Variants in TRAPPC9 observed in about 807,000 individuals in gnomAD.
The protein encoded by TRAPPC9 is trafficking protein particle complex subunit 9, also known as IKK2 binding protein.
TRAPPC9 carries 83 observed loss-of-function variants against 124.0 expected under a neutral mutation model. The ratio of observed to expected loss-of-function variants is 0.67; its 90% CI spans 0.56 to 0.80. The LOEUF (loss-of-function observed/expected upper bound fraction) is 0.80. Among genes scored for constraint, TRAPPC9 ranks in the 30% least tolerant of loss-of-function variants. The pLI is 0.00. For synonymous variants in TRAPPC9, 638 were observed against 617.5 expected, an observed-to-expected ratio of 1.03 and a Z score of -0.49; for missense variants, 1,302 against 1,508.3, an observed-to-expected ratio of 0.86 and a Z score of 2.27.
At chr8:139,731,319 G>C (rs1817807516) in intron 22 of TRAPPC9, 91 bp from the exon 23 acceptor site, 5 of 1,503,162 alleles carry the variant, frequency 3.3e-6, no homozygotes, top group Non-Finnish European at 3.6e-6. Context: ...CTGGACATAG[G>C]TGTTATGGGG....
At chr8:139,841,245 T>A (rs997746066) in intron 21 of TRAPPC9, among the ~76,000 whole-genome samples, 7 of 152,220 alleles carry the variant, frequency 4.6e-5, no homozygotes, top group African/African-American at 1.7e-4. Context: ...AGGACCTTCG[T>A]GATTACCCTG....
intron 15 of TRAPPC9, among the ~76,000 whole-genome samples, chr8:140,260,281 GC>G (rs2064372547): frequency 6.6e-6 from 1 of 152,106 alleles, no homozygotes; most frequent in Non-Finnish European, 1.5e-5. Flanking sequence ...TCTTGCTAAG[GC>G]CCGTGGCTCG....
chr8:140,103,779 G>A (rs946449874), intron 17 of TRAPPC9, among the ~76,000 whole-genome samples: 4 of 152,150 alleles, frequency 2.6e-5, no homozygotes, highest in Non-Finnish European at 5.9e-5. Flanking sequence ...TCTTTTTACA[G>A]ATGAAGGTAC....
chr8:140,046,709 T>C lies in TRAPPC9; in HGVS notation c.2557-22630A>G, dbSNP rs531512776. 2.6e-5 allele frequency among the ~76,000 whole-genome samples: 4 copies of C among 152,372 alleles called. No homozygotes were observed. The South Asian group carries it at 8.3e-4, about 32-fold the overall frequency. ...ACAGCATGAAGAAAAGGACCCAGAA[T>C]TTATTCTTCAATGCCCCATACCCCT... On this transcript the variant is annotated intron_variant, in intron 17 of 22. Coordinates refer to ENST00000438773, the MANE Select transcript of TRAPPC9 (RefSeq NM_001160372.4).
chr8:140,302,895 T>C (rs1238653502), intron 10 of TRAPPC9: 1 of 152,174 alleles, frequency 6.6e-6, no homozygotes, highest in Non-Finnish European at 1.5e-5. Flanking sequence ...CCATCCTGAA[T>C]GCTGCTATAC....
intron 11 of TRAPPC9, among the ~76,000 whole-genome samples, chr8:140,294,223 C>T (rs952483710): frequency 6.6e-6 from 1 of 152,096 alleles, no homozygotes; most frequent in African/African-American, 2.4e-5. Context: ...CCCCCCACCT[C>T]CCAGGCCCAC....
chr8:140,179,595 T>A (rs1587865594), intron 17 of TRAPPC9, among the ~76,000 whole-genome samples: 1 of 152,126 alleles, frequency 6.6e-6, no homozygotes, highest in East Asian at 1.9e-4. Context: ...TCAAATTGGT[T>A]GTGAGTGTCA....
intron 16 of TRAPPC9, among the ~76,000 whole-genome samples, chr8:140,233,763 A>AC (rs529204074): frequency 1.3e-5 from 2 of 151,476 alleles, no homozygotes; most frequent in Non-Finnish European, 1.5e-5. Context: ...AAAAAAAAAA[A>AC]AAAAAACCTT....
intron 10 of TRAPPC9, among the ~76,000 whole-genome samples, chr8:140,304,799 G>A (rs540463422): frequency 1.8e-4 from 28 of 152,124 alleles, no homozygotes; most frequent in African/African-American, 6.5e-4. Context: ...AAGAGTGTGT[G>A]ATGCACAGCA....
intron 21 of TRAPPC9, among the ~76,000 whole-genome samples, chr8:139,805,208 C>T (rs1823960283): frequency 6.6e-6 from 1 of 152,230 alleles, no homozygotes; most frequent in African/African-American, 2.4e-5. Flanking sequence ...AGTAGGCGTA[C>T]CCCAGTGTGT....
At chr8:140,159,814 T>C (rs1382248158) in intron 17 of TRAPPC9, among the ~76,000 whole-genome samples, 1 of 152,170 alleles carries the variant, frequency 6.6e-6, no homozygotes, top group Non-Finnish European at 1.5e-5. Context: ...AACTGCAATG[T>C]TCCACATCGC....
chr8:139,807,329 T>C (rs966745622), intron 21 of TRAPPC9, among the ~76,000 whole-genome samples: 1 of 152,114 alleles, frequency 6.6e-6, no homozygotes, highest in African/African-American at 2.4e-5. Flanking sequence ...TCATGACCCA[T>C]GCGTTCAGAA....
chr8:139,806,633 C>T (rs1824081182), intron 21 of TRAPPC9, among the ~76,000 whole-genome samples: 1 of 152,222 alleles, frequency 6.6e-6, no homozygotes, highest in South Asian at 2.1e-4. Context: ...GAACCCCCAT[C>T]CTGACTCTGA....
chr8:139,994,691 T>G (rs1174181824), intron 18 of TRAPPC9, among the ~76,000 whole-genome samples: 1 of 152,146 alleles, frequency 6.6e-6, no homozygotes, highest in Non-Finnish European at 1.5e-5. Flanking sequence ...TAAAATGACT[T>G]CAGATCTGAT....
intron 9 of TRAPPC9, among the ~76,000 whole-genome samples, chr8:140,332,231 AC>A (rs2066912747): frequency 1.3e-5 from 2 of 152,236 alleles, no homozygotes; most frequent in African/African-American, 4.8e-5. Flanking sequence ...TAAGCCAGGC[AC>A]AGAAAGGCAA....
chr8:139,838,972 T>C (rs57849025), intron 21 of TRAPPC9, among the ~76,000 whole-genome samples: 27,087 of 152,108 alleles, frequency 0.18, 3,287 homozygotes, highest in African/African-American at 0.35. Context: ...AAAATCCACA[T>C]GGCCACGCTG....
intron 17 of TRAPPC9, among the ~76,000 whole-genome samples, chr8:140,028,764 G>A (rs1298665776): frequency 2.0e-5 from 3 of 152,198 alleles, no homozygotes; most frequent in African/African-American, 4.8e-5. Flanking sequence ...ATTGTGACAC[G>A]TTGTGTCATG....
chr8:139,757,984 G>T (rs974036021), intron 21 of TRAPPC9, among the ~76,000 whole-genome samples: 5 of 152,220 alleles, frequency 3.3e-5, no homozygotes, highest in African/African-American at 1.2e-4. Flanking sequence ...CTGCCGAGTG[G>T]CCTCATTTTT....
At chr8:140,155,293 T>C (rs1330895247) in intron 17 of TRAPPC9, among the ~76,000 whole-genome samples, 1 of 152,202 alleles carries the variant, frequency 6.6e-6, no homozygotes, top group Non-Finnish European at 1.5e-5. Flanking sequence ...TAAGGCCGAC[T>C]TGGTGAGGCT....
Sources: gnomAD v4.1 joint callset for allele counts (sites outside exome capture counted in the v4.1 genomes callset) on GRCh38, gnomAD v4.1.1 for gene constraint, MANE v1.5 for transcripts, NCBI Gene and HGNC (gene_info 2026-07-23, HGNC 2026-07-21) for gene names.